The following DDO variants were observed in gnomAD, a reference collection of about 807,000 sequenced individuals.
DDO encodes D-aspartate oxidase.
In DDO, 16 loss-of-function variants were observed where a neutral mutation model predicts 16.8. That is an observed-to-expected ratio of 0.95 (90% CI 0.65 to 1.45). The LOEUF (loss-of-function observed/expected upper bound fraction) is 1.45, where lower values mean the gene tolerates loss of function less well. Ranked by LOEUF, DDO falls within the 40% of genes most tolerant of loss-of-function variation. The probability of loss-of-function intolerance (pLI) is 0.00; values close to 1 mark genes in which losing one functional copy is unlikely to be tolerated. For synonymous variants in DDO, 180 were observed against 167.2 expected (o/e 1.08, Z -0.59); for missense variants, 429 against 420.3 (o/e 1.02, Z -0.18).
chr6:110,392,634 T>G lies in DDO; in HGVS notation c.*141A>C, dbSNP rs1773134859. 18 of 1,342,044 alleles carry G rather than the reference T, an allele frequency of 1.3e-5. No individual in the cohort carries two copies. Among genetic ancestry groups the G allele is most frequent in the Non-Finnish European group, 1.7e-5 (18 of 1,051,054 alleles). 83.1% of individuals were successfully genotyped at this position (1,342,044 alleles called of 1,614,324 possible). A position where few individuals can be genotyped will look rare whatever the true frequency, so the allele number is the denominator to read the frequency against. ...TGGGACTATAGGCATGCCACCGTGC[T>G]CAGCTTACATGTTACACCACTTCTA... On this transcript the variant is annotated 3_prime_UTR_variant, in exon 5 of 5. Transcript: ENST00000368924.
chr6:110,409,644 C>T (rs970369239), intron 2 of DDO, among the ~76,000 whole-genome samples: 2 of 152,148 alleles, frequency 1.3e-5, no homozygotes, highest in African/African-American at 4.8e-5. Flanking sequence ...TAAACATGTG[C>T]CCATGTGAAA....
In DDO at chr6:110,392,994, G is replaced by C. The variant is rs768638845; in HGVS notation, c.807C>G (p.Cys269Trp). The stretch of plus-strand genomic sequence containing the variant: ...TCAAGCCCACCTTCTCCCTGATGTT[G>C]CAGGCTCCGTGGAGGGAGGGCTCCA... ...CALEPSLHGA[C>W]NIREKVGLRP... Residue 269 changes from cysteine to tryptophan, a missense_variant, in exon 5 of 5, where the codon TGC (cysteine) becomes TGG (tryptophan). Cys to Trp is a radical substitution (Grantham distance 215). Coordinates refer to ENST00000368924, the MANE Select transcript of DDO (RefSeq NM_001372108.2). The C allele has an allele frequency of 6.2e-7, 1 of 1,611,490 alleles. No individual in the cohort carries two copies. The highest frequency in any genetic ancestry group is 8.5e-7 in the Non-Finnish European group (1 of 1,177,860).
chr6:110,412,923 C>T (rs984751380), intron 2 of DDO, among the ~76,000 whole-genome samples: 2 of 152,140 alleles, frequency 1.3e-5, no homozygotes, highest in Non-Finnish European at 2.9e-5. Context: ...GGGGATGAAT[C>T]GCTTGAGGTC....
rs747928243 is a variant in DDO, at chr6:110,408,452, T to C, written c.173-10A>G. ...GTGTGAATGGGTGTATCTGTAATCA[T>C]GGAGAAAAGCAAAGTGGAACAGAAA... On this transcript the variant is annotated splice_polypyrimidine_tract_variant and intron_variant, in intron 2 of 4. Coordinates refer to ENST00000368924, the MANE Select transcript of DDO (RefSeq NM_001372108.2). 3.7e-6 allele frequency: 6 copies of C among 1,611,152 alleles called. No individual in the cohort carries two copies. Among genetic ancestry groups the C allele is most frequent in the Non-Finnish European group, 4.2e-6 (5 of 1,178,042 alleles).
chr6:110,393,886 C>G (rs1375091439), intron 4 of DDO, among the ~76,000 whole-genome samples: 3 of 152,164 alleles, frequency 2.0e-5, no homozygotes, highest in Non-Finnish European at 4.4e-5. Context: ...TAAATGGCAG[C>G]TGTGGTTGGT....
intron 3 of DDO, among the ~76,000 whole-genome samples, chr6:110,405,195 C>A (rs1379348012): frequency 1.3e-5 from 2 of 152,076 alleles, no homozygotes; most frequent in Non-Finnish European, 2.9e-5. Flanking sequence ...TGCTACCACA[C>A]CTGACTAATT....
chr6:110,404,466 G>A (rs532205058), intron 4 of DDO, among the ~76,000 whole-genome samples: 51 of 152,282 alleles, frequency 3.3e-4, no homozygotes, highest in African/African-American at 1.2e-3. Flanking sequence ...TTACAGATGA[G>A]GAAAACTAAG....
intron 2 of DDO, among the ~76,000 whole-genome samples, chr6:110,408,809 G>C (rs1441619795): frequency 1.3e-5 from 2 of 152,226 alleles, no homozygotes; most frequent in Non-Finnish European, 2.9e-5. Context: ...TCATGGCTGT[G>C]GGATCCAGCT....
chr6:110,410,104 T>C (rs369066228), intron 2 of DDO, among the ~76,000 whole-genome samples: 18 of 152,240 alleles, frequency 1.2e-4, no homozygotes, highest in East Asian at 7.7e-4. Flanking sequence ...GGTATTGACA[T>C]TTATGAGCAC....
chr6:110,405,868 G>C (rs562630355), intron 3 of DDO, among the ~76,000 whole-genome samples: 2 of 151,732 alleles, frequency 1.3e-5, no homozygotes, highest in African/African-American at 4.8e-5. Context: ...GGACCATTGC[G>C]CTCCAGCCTA....
chr6:110,408,553 T>A (rs1773739139), intron 2 of DDO, 111 bp from the exon 3 acceptor site: 3 of 863,940 alleles, frequency 3.5e-6, no homozygotes, highest in African/African-American at 3.4e-5. Context: ...GAGGCAAAAA[T>A]AAAATAAGGA....
At chr6:110,397,400 T>A (rs189626550) in intron 4 of DDO, among the ~76,000 whole-genome samples, 21 of 152,350 alleles carry the variant, frequency 1.4e-4, no homozygotes, top group African/African-American at 4.6e-4. Flanking sequence ...GTGGGTTTTT[T>A]AAATTCTTAC....
intron 4 of DDO, among the ~76,000 whole-genome samples, chr6:110,403,132 TA>T (rs1346028533): frequency 1.3e-5 from 2 of 152,198 alleles, no homozygotes; most frequent in Non-Finnish European, 2.9e-5. Flanking sequence ...TTTTGAGTCA[TA>T]ATCTAAAAAT....
At chr6:110,390,947 A>G (rs1341864713), downstream of DDO, among the ~76,000 whole-genome samples, 1 of 152,208 alleles carries the variant, frequency 6.6e-6, no homozygotes, top group African/African-American at 2.4e-5. Context: ...CACACTCTAT[A>G]TACCTGGTAT....
At chr6:110,401,095 T>G (rs1192423031) in intron 4 of DDO, among the ~76,000 whole-genome samples, 1 of 152,218 alleles carries the variant, frequency 6.6e-6, no homozygotes, top group East Asian at 1.9e-4. Context: ...AGGGAAGATA[T>G]GGATAGAGCG....
At chr6:110,407,798 T>G (rs1327807590) in intron 3 of DDO, among the ~76,000 whole-genome samples, 1 of 152,264 alleles carries the variant, frequency 6.6e-6, no homozygotes, top group Admixed American at 6.5e-5. Context: ...ACTGAAATTA[T>G]ACATTAAAAA....
chr6:110,408,743 T>C (rs1200731480), intron 2 of DDO, among the ~76,000 whole-genome samples: 1 of 152,208 alleles, frequency 6.6e-6, no homozygotes, highest in Non-Finnish European at 1.5e-5. Flanking sequence ...TTTTTGGTAC[T>C]AGGTATATTC....
intron 4 of DDO, among the ~76,000 whole-genome samples, chr6:110,400,566 G>A (rs1451257880): frequency 6.6e-6 from 1 of 152,152 alleles, no homozygotes; most frequent in Non-Finnish European, 1.5e-5. Context: ...CCCCCTCCCT[G>A]CCCCATCAGA....
intron 2 of DDO, among the ~76,000 whole-genome samples, chr6:110,412,864 A>G (rs1322557121): frequency 6.6e-6 from 1 of 152,186 alleles, no homozygotes. Flanking sequence ...AAAACCGCAC[A>G]TTATGGCCAA....
Sources: allele counts gnomAD v4.1 joint callset (sites outside exome capture counted in the v4.1 genomes callset), GRCh38; gene constraint gnomAD v4.1.1; transcripts MANE v1.5; gene names NCBI Gene and HGNC (gene_info 2026-07-23, HGNC 2026-07-21).